Variants in PC observed in about 807,000 individuals in gnomAD.
PC encodes pyruvate carboxylase, also known as pyruvate carboxylase, mitochondrial.
PC carries 46 observed loss-of-function variants against 107.8 expected under a neutral mutation model. The observed-to-expected ratio is 0.43, with a 90% CI of 0.34 to 0.55. The LOEUF is 0.55. PC is among the 20% of genes least tolerant of loss of function. The pLI is 0.04. For missense variants in PC, 1,241 were observed against 1,643.1 expected (o/e 0.76, Z 4.23); for synonymous variants, 662 against 684.7 (o/e 0.97, Z 0.52).
intron 11 of PC, among the ~76,000 whole-genome samples, chr11:66,865,800 G>C (rs1946468713): frequency 6.6e-6 from 1 of 152,104 alleles, no homozygotes; most frequent in East Asian, 1.9e-4. Flanking sequence ...CCCACCCCCA[G>C]GTCCTGCCAT....
chr11:66,849,440 AG>A, intron 21 of PC, 70 bp from the exon 22 acceptor site: 11 of 1,607,772 alleles, frequency 6.8e-6, no homozygotes, highest in Non-Finnish European at 9.3e-6. Context: ...CCCTGGCCAT[AG>A]GAAGTCCCCA....
At chr11:66,900,304 AG>A (rs1947903927) in intron 3 of PC, among the ~76,000 whole-genome samples, 1 of 150,108 alleles carries the variant, frequency 6.7e-6, no homozygotes, top group Admixed American at 6.8e-5. Context: ...CCTCCCAACT[AG>A]CTGGGACTAC....
rs746873070 is a variant in PC, at chr11:66,871,118, G to A, written c.567C>T (p.Phe189=). Reference sequence around the variant, plus strand: ...CATAGGCCGCCTTGAAGATGATGGGGAAGCCGTAGGTGTTGGAGAACTCGT... The same window carrying A: ...CATAGGCCGCCTTGAAGATGATGGGAAAGCCGTAGGTGTTGGAGAACTCGT... ...EAHEFSNTYG[F]PIIFKAAYGG... The change falls in exon 7 of 23, where the codon TTC becomes TTT. Residue 189 remains phenylalanine, a synonymous_variant. Transcript: ENST00000393960. The surrounding 1 kb of genome is among the most constrained non-coding windows in gnomAD (Gnocchi z 7.4). 2 of 1,613,902 alleles carry A rather than the reference G, an allele frequency of 1.2e-6. No homozygotes were observed. The highest frequency in any genetic ancestry group is 3.3e-5 in the Admixed American group (2 of 59,986).
At chr11:66,951,846 C>G (rs1343160338) in intron 3 of PC, among the ~76,000 whole-genome samples, 1 of 151,112 alleles carries the variant, frequency 6.6e-6, no homozygotes, top group Non-Finnish European at 1.5e-5. Flanking sequence ...GCCGAGCTTG[C>G]GCCACTGCAC....
chr11:66,925,923 T>TAAA (rs61309968), intron 3 of PC, among the ~76,000 whole-genome samples: 1 of 134,592 alleles, frequency 7.4e-6, no homozygotes, highest in Non-Finnish European at 1.6e-5. Flanking sequence ...GGAGGGGAGT[T>TAAA]AAAAAAAAAA....
rs771700107 is a variant in PC, at chr11:66,849,621, T to C, written c.3137A>G (p.Glu1046Gly). The C allele has an allele frequency of 1.9e-5, 31 of 1,614,042 alleles. No individual in the cohort carries two copies. In the South Asian group the frequency reaches 3.1e-4, roughly 16 times the overall value. ...RLFLQGPKIA[E>G]EFEVELERGK... ...GCCAGAGCCACTGACCTCAAACTCC[T>C]CTGCGATCTTGGGTCCCTGCAGGAA... Residue 1046 changes from glutamate (E) to glycine (G), a missense_variant, in exon 21 of 23, where the codon GAG becomes GGG. Around this residue, in one of 2 missense-constraint regions of PC, gnomAD observed 1,143 missense variants for 1,551.9 expected, o/e 0.74. Coordinates refer to ENST00000393960, the MANE Select transcript of PC (RefSeq NM_001040716.2).
intron 3 of PC, among the ~76,000 whole-genome samples, chr11:66,877,631 C>G (rs1196429377): frequency 6.6e-6 from 1 of 152,134 alleles, no homozygotes; most frequent in Non-Finnish European, 1.5e-5. Flanking sequence ...AAATGGGAAC[C>G]AAGATGTACG....
At chr11:66,900,229 G>A (rs1947900377) in intron 3 of PC, among the ~76,000 whole-genome samples, 1 of 128,976 alleles carries the variant, frequency 7.8e-6, no homozygotes, top group South Asian at 2.5e-4. Flanking sequence ...TGCCCAGGCT[G>A]GAGTGCAGTG....
chr11:66,867,861 C>T (rs1027535477), intron 10 of PC, among the ~76,000 whole-genome samples: 11 of 152,212 alleles, frequency 7.2e-5, no homozygotes, highest in Non-Finnish European at 1.3e-4. Flanking sequence ...TCCATGCCCC[C>T]GGCGAGCCAC....
chr11:66,864,060 C>T, intron 11 of PC, 104 bp from the exon 12 acceptor site: 1 of 1,152,726 alleles, frequency 8.7e-7, no homozygotes, highest in Non-Finnish European at 1.3e-6. Context: ...CTGCTGAGAG[C>T]AGAGCGTGGG....
intron 3 of PC, among the ~76,000 whole-genome samples, chr11:66,923,549 C>T (rs376464162): frequency 1.3e-5 from 2 of 151,898 alleles, no homozygotes; most frequent in African/African-American, 2.4e-5. Context: ...TTTGCTCCGT[C>T]GCCCAGGCTG....
intron 2 of PC, among the ~76,000 whole-genome samples, chr11:66,953,448 T>A (rs1034574558): frequency 3.3e-5 from 5 of 152,228 alleles, no homozygotes; most frequent in Admixed American, 3.3e-4. Flanking sequence ...CTCGTGTTTA[T>A]GCCCATGGGA....
At chr11:66,914,560 G>A (rs925333966) in intron 3 of PC, among the ~76,000 whole-genome samples, 1 of 151,978 alleles carries the variant, frequency 6.6e-6, no homozygotes, top group Non-Finnish European at 1.5e-5. Context: ...CCCTTTGAGG[G>A]AAGGACTGAG....
intron 3 of PC, among the ~76,000 whole-genome samples, chr11:66,876,046 G>A (rs145416288): frequency 1.8e-3 from 277 of 152,302 alleles, no homozygotes; most frequent in Non-Finnish European, 2.1e-3. Context: ...AGACAAAGAC[G>A]CAAGAACGGT....
At position 66,852,610 on chromosome 11, in the gene PC, C is replaced by T; in HGVS notation, c.1654G>A (p.Gly552Ser). ...TGGTTCCGCACAGCTCGAGCAAAGC[C>T]CTCAGGCCCCTCTCGCAGCAGGATG... ...RDILLREGPE[G>S]FARAVRNHPG... The change falls in exon 15 of 23, where the codon GGC becomes AGC. Residue 552 changes from glycine to serine, a missense_variant. This residue lies in a region of PC where 1,143 missense variants were observed against 1,551.9 expected (regional missense o/e 0.74). Transcript: ENST00000393960. This position sits in a 1 kb window ranked among gnomAD's most constrained non-coding sequence, Gnocchi z 4.7. 6.2e-7 allele frequency: 1 copy of T among 1,613,930 alleles called. No homozygotes were observed. The highest frequency in any genetic ancestry group is 8.5e-7 in the Non-Finnish European group (1 of 1,179,952).
intron 3 of PC, among the ~76,000 whole-genome samples, chr11:66,881,041 A>G (rs998362079): frequency 6.6e-6 from 1 of 152,192 alleles, no homozygotes; most frequent in African/African-American, 2.4e-5. Context: ...CTCAGGTTAC[A>G]GTTACACGCC....
At chr11:66,893,425 G>T (rs1947643922) in intron 3 of PC, among the ~76,000 whole-genome samples, 1 of 151,938 alleles carries the variant, frequency 6.6e-6, no homozygotes, top group Admixed American at 6.6e-5. Context: ...AAATAAAGAA[G>T]GCTCTTTTCT....
chr11:66,868,584 G>A (rs888417250), intron 10 of PC, among the ~76,000 whole-genome samples: 1 of 152,192 alleles, frequency 6.6e-6, no homozygotes, highest in South Asian at 2.1e-4. Context: ...GGGAGCACCT[G>A]GGCCTGAGCA....
intron 1 of PC, among the ~76,000 whole-genome samples, chr11:66,956,517 G>A (rs777871925): frequency 6.6e-6 from 1 of 152,092 alleles, no homozygotes; most frequent in South Asian, 2.1e-4. Context: ...CTCGGGAGGC[G>A]GAGGTTGTGG....
Sources: allele counts gnomAD v4.1 joint callset (sites outside exome capture counted in the v4.1 genomes callset), GRCh38; gene constraint gnomAD v4.1.1; regional missense constraint gnomAD v4.1.1; non-coding constraint Gnocchi (gnomAD v3.1); transcripts MANE v1.5; gene names NCBI Gene and HGNC (gene_info 2026-07-23, HGNC 2026-07-21).